MICAL2: variants seen among roughly 807,000 people sequenced by gnomAD.
MICAL2 encodes the protein [F-actin]-monooxygenase MICAL2.
In MICAL2, 77 loss-of-function variants were observed where a neutral mutation model predicts 127.3. That is an observed-to-expected ratio of 0.60 (90% CI 0.50 to 0.73). The LOEUF (loss-of-function observed/expected upper bound fraction) is 0.73. Among genes scored for constraint, MICAL2 ranks in the 30% least tolerant of loss-of-function variants. The pLI is 0.00. For missense variants in MICAL2, 1,351 were observed against 1,434.4 expected, an observed-to-expected ratio of 0.94 and a Z score of 0.94; for synonymous variants, 570 against 551.1, an observed-to-expected ratio of 1.03 and a Z score of -0.48.
chr11:12,323,852 T>G, intron 30 of MICAL2: 1 of 1,078,022 alleles, frequency 9.3e-7, no homozygotes, highest in Non-Finnish European at 1.3e-6. Context: ...CCAGATGTCG[T>G]TATTTTAGAA....
At chr11:12,114,820 G>C (rs1449289569) in intron 1 of MICAL2, among the ~76,000 whole-genome samples, 1 of 152,202 alleles carries the variant, frequency 6.6e-6, no homozygotes, top group African/African-American at 2.4e-5. Flanking sequence ...AGAACTATCT[G>C]CTGCTCCCCC....
chr11:12,191,382 G>C (rs745677880), intron 3 of MICAL2, among the ~76,000 whole-genome samples: 126 of 151,458 alleles, frequency 8.3e-4, no homozygotes, highest in Middle Eastern at 3.4e-3. Context: ...TGACGCAGGA[G>C]AGTTGCTTGA....
Position 12,204,470 on chromosome 11 carries a change from T to A in MICAL2, c.472+13T>A. ...ATCGACCATATCAGTGAGTGGAGTC[T>A]ATGGTGATATCCCATGAAGGGAGGG... On this transcript the variant is annotated intron_variant, in intron 4 of 27. Coordinates refer to ENST00000683283, the MANE Select transcript of MICAL2 (RefSeq NM_001282663.2). 1 of 1,612,648 alleles carries A rather than the reference T, an allele frequency of 6.2e-7. No individual in the cohort carries two copies. The highest frequency in any genetic ancestry group is 1.7e-5 in the Admixed American group (1 of 60,026).
intron 2 of MICAL2, among the ~76,000 whole-genome samples, chr11:12,147,936 G>A (rs7108018): frequency 0.011 from 1,746 of 152,296 alleles, 37 homozygotes; most frequent in African/African-American, 0.04. Flanking sequence ...GAATCTGCCC[G>A]ACAGCCAGGT....
intron 8 of MICAL2, among the ~76,000 whole-genome samples, chr11:12,218,032 T>C (rs1856400165): frequency 6.6e-6 from 1 of 152,222 alleles, no homozygotes; most frequent in Non-Finnish European, 1.5e-5. Context: ...TGGATCCATA[T>C]CTTCCTATAG....
intron 24 of MICAL2, among the ~76,000 whole-genome samples, chr11:12,268,881 C>T (rs944246584): frequency 1.3e-5 from 2 of 152,000 alleles, no homozygotes; most frequent in African/African-American, 4.8e-5. Flanking sequence ...CGCCTGTAGT[C>T]CCAGCTACTC....
intron 26 of MICAL2, chr11:12,260,780 T>A (rs139779517): frequency 1.0e-6 from 1 of 985,446 alleles, no homozygotes; most frequent in Admixed American, 6.1e-5. Flanking sequence ...TCTGTCCCCC[T>A]GGGAGGAGGA....
intron 32 of MICAL2, among the ~76,000 whole-genome samples, chr11:12,343,406 T>TAAAAAAAAAAA (rs57546290): frequency 1.8e-5 from 2 of 110,076 alleles, no homozygotes; most frequent in Non-Finnish European, 3.7e-5. Flanking sequence ...TTCATCTCAT[T>TAAAAAAAAAAA]AAAAAAAAAA....
At chr11:12,222,815 T>C in intron 11 of MICAL2, 72 bp downstream of exon 11, 1 of 1,577,196 alleles carries the variant, frequency 6.3e-7, no homozygotes, top group Non-Finnish European at 8.6e-7. Context: ...GGGGAGGGGG[T>C]CACATTAAAT....
intron 3 of MICAL2, among the ~76,000 whole-genome samples, chr11:12,200,487 C>G (rs965940206): frequency 6.6e-6 from 1 of 152,192 alleles, no homozygotes; most frequent in Admixed American, 6.5e-5. Flanking sequence ...TATTTGGCCT[C>G]TTGCCAGAAC....
intron 23 of MICAL2, chr11:12,256,579 T>C: frequency 2.1e-6 from 1 of 471,924 alleles, no homozygotes; most frequent in Non-Finnish European, 3.7e-6. Flanking sequence ...TGTCTGGGAG[T>C]ACAGTTAACA....
intron 31 of MICAL2, among the ~76,000 whole-genome samples, chr11:12,324,629 T>C (rs1029270000): frequency 1.6e-4 from 25 of 152,184 alleles, no homozygotes; most frequent in Admixed American, 1.5e-3. Flanking sequence ...ATCCTCCACC[T>C]CTCTGAGGAA....
At chr11:12,133,327 CT>C (rs1226067233) in intron 1 of MICAL2, among the ~76,000 whole-genome samples, 1 of 152,168 alleles carries the variant, frequency 6.6e-6, no homozygotes, top group African/African-American at 2.4e-5. Flanking sequence ...AGCGATCTGC[CT>C]GCCTCGGGCT....
intron 12 of MICAL2, chr11:12,224,427 CAGT>C (rs1857168739): frequency 2.0e-6 from 1 of 503,064 alleles, no homozygotes; most frequent in Non-Finnish European, 3.6e-6. Context: ...GGCCTAAACA[CAGT>C]AGGTCTTAGG....
At position 12,258,607 on chromosome 11, in the gene MICAL2, G is replaced by A. The variant is rs768161535; in HGVS notation, c.3231+51G>A. 3 of 1,532,260 alleles carry A rather than the reference G, an allele frequency of 2.0e-6. No individual in the cohort carries two copies. In the South Asian group the frequency reaches 3.4e-5, roughly 17 times the overall value. The allele number at this position is 1,532,260 out of a possible 1,614,324, so 94.9% of individuals were successfully genotyped here. On this transcript the variant is annotated intron_variant, in intron 25 of 27. Coordinates refer to ENST00000683283, the MANE Select transcript of MICAL2 (RefSeq NM_001282663.2). The stretch of plus-strand genomic sequence containing the variant: ...GAAACGGGGAAGGCCCCTTGATAAG[G>A]GTTTCCAGTGATCCTCAAAGTTAGG...
In MICAL2 at chr11:12,228,576, C is replaced by T. The variant is rs567431305; in HGVS notation, c.1995+1445C>T. 1.5e-4 allele frequency among the ~76,000 whole-genome samples: 23 copies of T among 152,198 alleles called. No homozygotes were observed. The South Asian group carries it at 2.3e-3, about 15-fold the overall frequency. ...GGGAGAAAACTGAGAACCAAGAGTC[C>T]GAACCTTGGGGAACAAGGGAGTTTG... is the stretch of plus-strand genomic sequence containing the variant. On this transcript the variant is annotated intron_variant, in intron 15 of 27. Coordinates refer to ENST00000683283, the MANE Select transcript of MICAL2 (RefSeq NM_001282663.2).
intron 24 of MICAL2, 117 bp downstream of exon 24, chr11:12,257,088 A>G (rs748846850): frequency 5.1e-5 from 58 of 1,132,372 alleles, no homozygotes; most frequent in Non-Finnish European, 6.9e-5. Flanking sequence ...AAAAGGAAGT[A>G]TGATGTCATC....
intron 34 of MICAL2, among the ~76,000 whole-genome samples, chr11:12,356,021 T>A (rs1471354864): frequency 6.6e-6 from 1 of 152,220 alleles, no homozygotes; most frequent in African/African-American, 2.4e-5. Flanking sequence ...CCTAACTTAA[T>A]AAACCATAGG....
chr11:12,187,732 G>A (rs1858495664), intron 3 of MICAL2, among the ~76,000 whole-genome samples: 1 of 152,122 alleles, frequency 6.6e-6, no homozygotes, highest in African/African-American at 2.4e-5. Context: ...TTACTTCTCG[G>A]CTATCTTGCT....
Sources: allele counts gnomAD v4.1 joint callset (sites outside exome capture counted in the v4.1 genomes callset), GRCh38; gene constraint gnomAD v4.1.1; transcripts MANE v1.5; gene names NCBI Gene and HGNC (gene_info 2026-07-23, HGNC 2026-07-21).